The following MAGI1 variants were observed in gnomAD, a reference collection of about 807,000 sequenced individuals.
MAGI1 encodes the protein membrane-associated guanylate kinase, WW and PDZ domain-containing protein 1.
MAGI1 carries 58 observed loss-of-function variants against 139.9 expected under a neutral mutation model. That is an observed-to-expected ratio of 0.41 (90% CI 0.34 to 0.52). The LOEUF is 0.52. Ranked by LOEUF, MAGI1 falls within the 20% of genes least tolerant of loss-of-function variation. The pLI is 0.12. For synonymous variants in MAGI1, 812 were observed against 737.9 expected, an observed-to-expected ratio of 1.10 and a Z score of -1.63; for missense variants, 1,874 against 1,901.6, an observed-to-expected ratio of 0.99 and a Z score of 0.27.
intron 1 of MAGI1, among the ~76,000 whole-genome samples, chr3:65,996,102 C>T (rs140961005): frequency 3.3e-4 from 51 of 152,250 alleles, no homozygotes; most frequent in Non-Finnish European, 4.7e-4. Context: ...TTGGAATCTA[C>T]GACCCACCAT....
chr3:65,430,165 T>A (rs1947348562), intron 11 of MAGI1, 25 bp from the exon 12 acceptor site: 1 of 1,604,074 alleles, frequency 6.2e-7, no homozygotes, highest in Non-Finnish European at 8.5e-7. Flanking sequence ...AGTGTGGGGG[T>A]TAAGAAAACA....
chr3:65,833,547 G>C (rs1430469346), intron 1 of MAGI1, among the ~76,000 whole-genome samples: 1 of 152,194 alleles, frequency 6.6e-6, no homozygotes, highest in Non-Finnish European at 1.5e-5. Flanking sequence ...TTCACTGAAT[G>C]TGCAAGTATA....
Position 65,569,391 on chromosome 3 carries a change from T to C in MAGI1, c.430+52581A>G, listed in dbSNP as rs144270772. Among the ~76,000 whole-genome samples, 817 of 152,338 alleles carry C rather than the reference T, an allele frequency of 5.4e-3. 7 individuals carry two copies. Among genetic ancestry groups the C allele is most frequent in the African/African-American group, 0.019 (786 of 41,578 alleles). The stretch of plus-strand genomic sequence containing the variant: ...TTGCACAATAGCATAATGTATTTAA[T>C]GTGACTGAAATATGCACTTAAAATG... On this transcript the variant is annotated intron_variant, in intron 2 of 22. Coordinates refer to ENST00000402939, the MANE Select transcript of MAGI1 (RefSeq NM_001033057.2).
At chr3:65,903,021 C>T (rs1015333971) in intron 1 of MAGI1, among the ~76,000 whole-genome samples, 1 of 152,018 alleles carries the variant, frequency 6.6e-6, no homozygotes, top group Admixed American at 6.6e-5. Flanking sequence ...AGAGGTATAA[C>T]TCTGTCACCC....
At chr3:65,415,939 A>G (rs981199366) in intron 12 of MAGI1, among the ~76,000 whole-genome samples, 3 of 152,208 alleles carry the variant, frequency 2.0e-5, no homozygotes, top group Non-Finnish European at 4.4e-5. Context: ...CTATATAAAC[A>G]TAGAATCCCA....
At chr3:65,523,867 A>G (rs1393896664) in intron 2 of MAGI1, among the ~76,000 whole-genome samples, 2 of 152,190 alleles carry the variant, frequency 1.3e-5, no homozygotes, top group Non-Finnish European at 2.9e-5. Context: ...ATACTTTCAG[A>G]GTAAGAAGCC....
chr3:65,579,140 A>G (rs1168824615), intron 2 of MAGI1, among the ~76,000 whole-genome samples: 1 of 152,052 alleles, frequency 6.6e-6, no homozygotes, highest in Non-Finnish European at 1.5e-5. Flanking sequence ...GTCCAGCCCC[A>G]CCACTGTGCA....
intron 1 of MAGI1, chr3:65,893,725 T>C (rs2060858206): frequency 6.6e-6 from 1 of 152,216 alleles, no homozygotes; most frequent in Non-Finnish European, 1.5e-5. Context: ...TACTGCTGCG[T>C]AATAAATCAT....
intron 1 of MAGI1, among the ~76,000 whole-genome samples, chr3:65,663,506 A>T (rs1421766200): frequency 6.6e-6 from 1 of 152,178 alleles, no homozygotes; most frequent in Non-Finnish European, 1.5e-5. Context: ...TCAAATGTGG[A>T]ATCCTAAAAT....
chr3:65,436,450 C>T (rs1322509526), intron 10 of MAGI1, among the ~76,000 whole-genome samples: 3 of 152,042 alleles, frequency 2.0e-5, no homozygotes, highest in South Asian at 4.1e-4. Flanking sequence ...AAGAATAATC[C>T]TCTATAAAGG....
chr3:65,373,780 T>C (rs1219903667), intron 18 of MAGI1, among the ~76,000 whole-genome samples: 7 of 152,204 alleles, frequency 4.6e-5, no homozygotes, highest in South Asian at 2.1e-4. Context: ...TCCAGACCAG[T>C]TGGTAAGTGA....
intron 3 of MAGI1, among the ~76,000 whole-genome samples, chr3:65,486,520 C>T (rs1346757401): frequency 6.6e-6 from 1 of 152,172 alleles, no homozygotes; most frequent in African/African-American, 2.4e-5. Context: ...AATGGTTCAG[C>T]TGATTTATTT....
intron 2 of MAGI1, among the ~76,000 whole-genome samples, chr3:65,544,519 C>T (rs1411423697): frequency 1.3e-5 from 2 of 152,138 alleles, no homozygotes; most frequent in Non-Finnish European, 2.9e-5. Flanking sequence ...GAGGTAATTC[C>T]ATGATTGTGT....
At chr3:65,852,939 T>C (rs2059253443) in intron 1 of MAGI1, among the ~76,000 whole-genome samples, 2 of 142,972 alleles carry the variant, frequency 1.4e-5, no homozygotes, top group South Asian at 2.2e-4. Flanking sequence ...ATCGAGACCA[T>C]CCTGGCTAAC....
chr3:65,454,143 G>GTTCTATAT (rs1949222780), intron 5 of MAGI1, among the ~76,000 whole-genome samples: 1 of 152,144 alleles, frequency 6.6e-6, no homozygotes, highest in Non-Finnish European at 1.5e-5. Context: ...GCAGTGGCTG[G>GTTCTATAT]GACAAAGTTC....
chr3:65,597,166 A>AT (rs961466663), intron 2 of MAGI1, among the ~76,000 whole-genome samples: 19 of 151,034 alleles, frequency 1.3e-4, no homozygotes, highest in African/African-American at 1.2e-4. Flanking sequence ...GGACGTACTG[A>AT]TTTTTCCCCC....
At chr3:65,410,798 G>A (rs879479597) in intron 12 of MAGI1, among the ~76,000 whole-genome samples, 28 of 150,632 alleles carry the variant, frequency 1.9e-4, no homozygotes, top group African/African-American at 6.2e-4. Context: ...AAAATACAAC[G>A]AGATCAGTCT....
At chr3:65,437,124 C>G (rs1229161381) in intron 10 of MAGI1, 31 bp downstream of exon 10, 1 of 1,468,016 alleles carries the variant, frequency 6.8e-7, no homozygotes, top group East Asian at 2.3e-5. Context: ...GAGCTAAAAC[C>G]ATGACACAAT....
At chr3:65,466,302 A>G (rs1039407964) in intron 5 of MAGI1, among the ~76,000 whole-genome samples, 10 of 151,996 alleles carry the variant, frequency 6.6e-5, no homozygotes, top group African/African-American at 2.4e-4. Flanking sequence ...ATAATAAGTG[A>G]TTTTTTTTAT....
Sources: allele counts gnomAD v4.1 joint callset (sites outside exome capture counted in the v4.1 genomes callset), GRCh38; gene constraint gnomAD v4.1.1; transcripts MANE v1.5; gene names NCBI Gene and HGNC (gene_info 2026-07-23, HGNC 2026-07-21).